The following CREB5 variants were observed in gnomAD, a reference collection of about 807,000 sequenced individuals.
The protein encoded by CREB5 is cyclic AMP-responsive element-binding protein 5.
A neutral mutation model predicts 57.1 loss-of-function variants in CREB5; 19 were observed. The observed-to-expected ratio is 0.33, with a 90% CI of 0.23 to 0.49. The LOEUF is 0.49. CREB5 is among the 20% of genes least tolerant of loss of function. The pLI is 0.99. For synonymous variants in CREB5, 238 were observed against 238.3 expected, an observed-to-expected ratio of 1.00 and a Z score of 0.01; for missense variants, 579 against 671.6, an observed-to-expected ratio of 0.86 and a Z score of 1.52.
At chr7:28,417,215 T>C (rs1340814874) in intron 1 of CREB5, among the ~76,000 whole-genome samples, 1 of 152,192 alleles carries the variant, frequency 6.6e-6, no homozygotes, top group Non-Finnish European at 1.5e-5. Context: ...GTAGCCACAT[T>C]AAAAAGGTTA....
chr7:28,463,362 G>T (rs1422137568), intron 1 of CREB5, among the ~76,000 whole-genome samples: 1 of 152,104 alleles, frequency 6.6e-6, no homozygotes, highest in East Asian at 1.9e-4. Flanking sequence ...ATCAGAATGT[G>T]TGAATCTTCC....
At position 28,419,488 on chromosome 7, in the gene CREB5, C is replaced by T. The variant is rs150017192; in HGVS notation, c.3+6571C>T. 8.5e-5 allele frequency among the ~76,000 whole-genome samples: 13 copies of T among 152,338 alleles called. 1 individual carries two copies. Among genetic ancestry groups the T allele is most frequent in the African/African-American group, 2.6e-4 (11 of 41,584 alleles). ...AGCTGTTGATTAATAGTGCAATTTT[C>T]GACCAGTGCCAGGGGGCGATTATTT... On this transcript the variant is annotated intron_variant, in intron 1 of 10. Transcript: ENST00000357727.
At chr7:28,541,199 A>C (rs1437952481) in intron 4 of CREB5, among the ~76,000 whole-genome samples, 1 of 152,204 alleles carries the variant, frequency 6.6e-6, no homozygotes, top group East Asian at 1.9e-4. Flanking sequence ...AGAAGTATAA[A>C]AGCTTGTGAA....
At chr7:28,816,516 G>A (rs1809447932) in intron 9 of CREB5, among the ~76,000 whole-genome samples, 1 of 152,204 alleles carries the variant, frequency 6.6e-6, no homozygotes, top group Non-Finnish European at 1.5e-5. Context: ...AAGTTTGGAA[G>A]AGAAAGGGAA....
intron 5 of CREB5, among the ~76,000 whole-genome samples, chr7:28,650,748 C>A (rs1051083400): frequency 1.3e-5 from 2 of 152,128 alleles, no homozygotes; most frequent in South Asian, 4.1e-4. Flanking sequence ...ATTTTCCAAA[C>A]TAAGTATGTA....
At chr7:28,370,857 A>T (rs73293302) in intron 1 of CREB5, among the ~76,000 whole-genome samples, 6,245 of 152,250 alleles carry the variant, frequency 0.041, 431 homozygotes, top group African/African-American at 0.14. Context: ...CAACCCAAGA[A>T]ATCAGAAAAA....
At position 28,507,853 on chromosome 7, in the gene CREB5, T is replaced by C. The variant is rs2031824287; in HGVS notation, c.291+116T>C. 4.2e-6 allele frequency: 5 copies of C among 1,200,492 alleles called. No individual in the cohort carries two copies. In the Admixed American group the frequency reaches 1.5e-4, roughly 37 times the overall value. The allele number at this position is 1,200,492 out of a possible 1,614,324, so 74.4% of individuals were successfully genotyped here. ...TGTGGCCTTGAAGTATTTTAGCCAT[T>C]TGTGAGTATTTGTCTAATTTTTTTT... On this transcript the variant is annotated intron_variant, in intron 4 of 10. Coordinates refer to ENST00000357727, the MANE Select transcript of CREB5 (RefSeq NM_182898.4).
intron 1 of CREB5, among the ~76,000 whole-genome samples, chr7:28,303,438 G>A (rs1435592924): frequency 1.3e-5 from 2 of 152,124 alleles, no homozygotes; most frequent in Non-Finnish European, 2.9e-5. Context: ...AAATCAAGAG[G>A]GGGAAATTAG....
intron 1 of CREB5, among the ~76,000 whole-genome samples, chr7:28,320,288 G>A (rs972594759): frequency 1.4e-4 from 21 of 152,014 alleles, no homozygotes; most frequent in African/African-American, 4.8e-4. Flanking sequence ...ATTATAAAGT[G>A]TGTAAATGAC....
intron 1 of CREB5, among the ~76,000 whole-genome samples, chr7:28,441,495 C>T (rs1789182670): frequency 6.6e-6 from 1 of 152,160 alleles, no homozygotes; most frequent in Admixed American, 6.5e-5. Flanking sequence ...TTTTGCCTAC[C>T]TCCCAGAATG....
intron 7 of CREB5, among the ~76,000 whole-genome samples, chr7:28,781,045 G>A (rs1806942308): frequency 6.6e-6 from 1 of 152,192 alleles, no homozygotes; most frequent in African/African-American, 2.4e-5. Context: ...TCCTGCTAGT[G>A]CATCTCGAAG....
chr7:28,635,762 C>CTCAT (rs911722219), intron 5 of CREB5, among the ~76,000 whole-genome samples: 10 of 152,150 alleles, frequency 6.6e-5, no homozygotes, highest in African/African-American at 9.7e-5. Flanking sequence ...CATTCATTTA[C>CTCAT]TCATTCATTC....
chr7:28,692,378 C>T lies in CREB5; in HGVS notation c.465-26375C>T, dbSNP rs564433860. ...TTGGGAGGCCAAGGCAGGCAGATCA[C>T]TTGAGGTCGGGAGTTCAAGACCAGC... On this transcript the variant is annotated intron_variant, in intron 5 of 10. Transcript: ENST00000357727. Among the ~76,000 whole-genome samples, 142 of 152,256 alleles carry T rather than the reference C, an allele frequency of 9.3e-4. 3 individuals carry two copies. The South Asian group carries it at 0.012, about 13-fold the overall frequency.
intron 4 of CREB5, among the ~76,000 whole-genome samples, chr7:28,531,155 GTC>G (rs1423553341): frequency 6.6e-6 from 1 of 152,014 alleles, no homozygotes; most frequent in Admixed American, 6.6e-5. Flanking sequence ...GTCTTATATA[GTC>G]TCTTGGTCTC....
intron 7 of CREB5, among the ~76,000 whole-genome samples, chr7:28,741,676 G>A (rs1038023265): frequency 1.3e-5 from 2 of 152,128 alleles, no homozygotes; most frequent in Admixed American, 6.5e-5. Flanking sequence ...AATGATGATC[G>A]TATGACAATC....
At chr7:28,405,729 A>T (rs1255136331) in intron 1 of CREB5, among the ~76,000 whole-genome samples, 2 of 152,168 alleles carry the variant, frequency 1.3e-5, no homozygotes, top group Non-Finnish European at 2.9e-5. Flanking sequence ...GATCTCAAGC[A>T]TATGAACTTT....
At chr7:28,518,455 C>T (rs959531108) in intron 4 of CREB5, among the ~76,000 whole-genome samples, 1 of 152,192 alleles carries the variant, frequency 6.6e-6, no homozygotes, top group Non-Finnish European at 1.5e-5. Context: ...TTGTTATGCA[C>T]AGAGCTTAGG....
intron 4 of CREB5, among the ~76,000 whole-genome samples, chr7:28,552,063 C>G (rs1794693721): frequency 6.7e-6 from 1 of 149,278 alleles, no homozygotes; most frequent in Non-Finnish European, 1.5e-5. Flanking sequence ...TCTTCTCTTT[C>G]TTTCATCTCA....
chr7:28,430,974 G>C (rs993029903), intron 1 of CREB5, among the ~76,000 whole-genome samples: 1 of 152,208 alleles, frequency 6.6e-6, no homozygotes, highest in Non-Finnish European at 1.5e-5. Flanking sequence ...AAGCTCACTT[G>C]TATGGCTGTT....
Sources: gnomAD v4.1 joint callset for allele counts (sites outside exome capture counted in the v4.1 genomes callset) on GRCh38, gnomAD v4.1.1 for gene constraint, MANE v1.5 for transcripts, NCBI Gene and HGNC (gene_info 2026-07-23, HGNC 2026-07-21) for gene names.